The following FOLH1 variants were observed in gnomAD, a reference collection of about 807,000 sequenced individuals.
The protein encoded by FOLH1 is folate hydrolase 1.
Under a neutral mutation model 93.9 loss-of-function variants are expected in FOLH1, and 54 were observed. The ratio of observed to expected loss-of-function variants is 0.57; its 90% confidence interval spans 0.46 to 0.72. The LOEUF (loss-of-function observed/expected upper bound fraction) is 0.72. FOLH1 is among the 30% of genes least tolerant of loss of function. FOLH1 has a pLI of 0.00. For synonymous variants in FOLH1, 249 were observed against 303.6 expected (o/e 0.82, Z 1.87); for missense variants, 571 against 892.5 (o/e 0.64, Z 4.59).
At chr11:49,151,918 G>T (rs1255801030) in intron 17 of FOLH1, among the ~76,000 whole-genome samples, 1 of 152,012 alleles carries the variant, frequency 6.6e-6, no homozygotes, top group Non-Finnish European at 1.5e-5. Context: ...AAATTATAAA[G>T]AATTGAAAAG....
chr11:49,193,462 A>C (rs1004977318), intron 3 of FOLH1, among the ~76,000 whole-genome samples: 13 of 152,256 alleles, frequency 8.5e-5, no homozygotes, highest in African/African-American at 3.1e-4. Context: ...AATAAAAAGT[A>C]CCTTTGTTTG....
chr11:49,157,864 T>G, intron 14 of FOLH1, 88 bp downstream of exon 14: 1 of 1,299,318 alleles, frequency 7.7e-7, no homozygotes, highest in Non-Finnish European at 1.0e-6. Flanking sequence ...GAAACTTAAT[T>G]TTTCACTTAA....
At chr11:49,151,087 T>C (rs932472923) in intron 17 of FOLH1, among the ~76,000 whole-genome samples, 1 of 152,074 alleles carries the variant, frequency 6.6e-6, no homozygotes, top group African/African-American at 2.4e-5. Context: ...CACTAGAAAG[T>C]TTTAGAGTGA....
In FOLH1 at chr11:49,183,225, C is replaced by T; in HGVS notation, c.844G>A (p.Gly282Arg). 1 of 1,612,606 alleles carries T rather than the reference C, an allele frequency of 6.2e-7. No homozygotes were observed. Among genetic ancestry groups the T allele is most frequent in the Non-Finnish European group, 8.5e-7 (1 of 1,179,262 alleles). The change falls in exon 7 of 19, where the codon GGA becomes AGA. Residue 282 changes from glycine (G) to arginine (R), a missense_variant. Physicochemically the swap from Gly to Arg is moderately radical, Grantham distance 125. Transcript: ENST00000256999. Reference protein sequence around the residue: ...YPANEYAYRRGIAEAVGLPSI... With the variant: ...YPANEYAYRRRIAEAVGLPSI... ...GGAAGACCAACAGCCTCTGCAATTC[C>T]ACGCCTATAAGCATATTCTGAAAAA...
chr11:49,174,144 T>C (rs1420174783), intron 9 of FOLH1, among the ~76,000 whole-genome samples: 1 of 152,156 alleles, frequency 6.6e-6, no homozygotes, highest in African/African-American at 2.4e-5. Flanking sequence ...TGGCACAAAA[T>C]AGGTACTCGG....
At chr11:49,168,197 G>A (rs1471021582) in intron 12 of FOLH1, among the ~76,000 whole-genome samples, 1 of 151,556 alleles carries the variant, frequency 6.6e-6, no homozygotes, top group East Asian at 1.9e-4. Flanking sequence ...ACAGTGATGA[G>A]TGCCATGAAG....
chr11:49,206,424 C>T (rs966593575), intron 1 of FOLH1: 2 of 701,654 alleles, frequency 2.9e-6, no homozygotes, highest in African/African-American at 1.8e-5. Context: ...TGCTGTTATT[C>T]TAAGAAATGT....
chr11:49,200,216 G>A (rs2135310843), intron 3 of FOLH1, 39 bp downstream of exon 3: 1 of 1,407,564 alleles, frequency 7.1e-7, no homozygotes, highest in Non-Finnish European at 9.5e-7. Context: ...AAGAATAAAT[G>A]GGGGGAATGT....
At chr11:49,195,523 A>G (rs564596148) in intron 3 of FOLH1, among the ~76,000 whole-genome samples, 1 of 152,172 alleles carries the variant, frequency 6.6e-6, no homozygotes, top group South Asian at 2.1e-4. Context: ...AGAACAGCAA[A>G]GTAAACACAA....
At chr11:49,168,173 ATTAC>A (rs1042673209) in intron 12 of FOLH1, among the ~76,000 whole-genome samples, 2 of 151,566 alleles carry the variant, frequency 1.3e-5, no homozygotes, top group African/African-American at 4.9e-5. Context: ...AAAACAAATA[ATTAC>A]TTAATAATGA....
chr11:49,161,560 T>C (rs1857704970), intron 13 of FOLH1, among the ~76,000 whole-genome samples: 1 of 152,222 alleles, frequency 6.6e-6, no homozygotes, highest in Admixed American at 6.5e-5. Context: ...AGGATACCAA[T>C]AGGTCCTGGT....
At chr11:49,197,810 A>G (rs1862779486) in intron 3 of FOLH1, among the ~76,000 whole-genome samples, 3 of 152,188 alleles carry the variant, frequency 2.0e-5, no homozygotes, top group African/African-American at 7.2e-5. Flanking sequence ...TCTGAAATAA[A>G]AGCCATATAA....
chr11:49,147,040 T>C (rs551097249), intron 18 of FOLH1, 95 bp from the exon 19 acceptor site: 2 of 1,341,838 alleles, frequency 1.5e-6, no homozygotes, highest in Admixed American at 2.4e-5. Context: ...CATATTCCTA[T>C]AACAATTTGA....
chr11:49,145,539 T>G lies in FOLH1; in HGVS notation c.*1217A>C, dbSNP rs557418076. Among the ~76,000 whole-genome samples the G allele has an allele frequency of 2.8e-4, 42 of 152,244 alleles. No individual in the cohort carries two copies. In the South Asian group the frequency reaches 8.5e-3, roughly 31 times the overall value. ...TTTCTTCATAAACAGCTTTACACAT[T>G]GGCCCAGAAGACAAGTTTCTGGGGA... On this transcript the variant is annotated 3_prime_UTR_variant, in exon 19 of 19. Transcript: ENST00000256999.
Position 49,192,892 on chromosome 11 carries a change from A to C in FOLH1, c.414T>G (p.Ile138Met), listed in dbSNP as rs780410301. The change falls in exon 4 of 19, where the codon ATT becomes ATG. Residue 138 changes from isoleucine (I) to methionine (M), a missense_variant and splice_region_variant. Coordinates refer to ENST00000256999, the MANE Select transcript of FOLH1 (RefSeq NM_004476.3). ...ISIINEDGNE[I>M]FNTSLFEPPP... ...GTGGTTCAAATAATGATGTGTTGAA[A>C]ATCTAGAGAAACAAAATATTATAAT... The C allele has an allele frequency of 6.4e-7, 1 of 1,574,412 alleles. No homozygotes were observed. The highest frequency in any genetic ancestry group is 8.6e-7 in the Non-Finnish European group (1 of 1,163,372).
At chr11:49,185,060 A>C (rs1024219358) in intron 6 of FOLH1, among the ~76,000 whole-genome samples, 2 of 152,022 alleles carry the variant, frequency 1.3e-5, no homozygotes, top group Non-Finnish European at 2.9e-5. Context: ...TTTAGGAAAC[A>C]CTCTTTGAAA....
At chr11:49,157,593 A>G (rs1857164191) in intron 14 of FOLH1, among the ~76,000 whole-genome samples, 1 of 151,918 alleles carries the variant, frequency 6.6e-6, no homozygotes, top group Non-Finnish European at 1.5e-5. Context: ...TTTTCAGATT[A>G]GGCATGTTCA....
chr11:49,158,133 C>A lies in FOLH1; in HGVS notation c.1441-90G>T, dbSNP rs1196913312. ...ATTAACCAGAAGTGAGTAACTAAGC[C>A]ACAATTCAGCAAAAACAAGGGATGC... On this transcript the variant is annotated intron_variant, in intron 13 of 18. Transcript: ENST00000256999. 11 of 1,218,886 alleles carry A rather than the reference C, an allele frequency of 9.0e-6. No homozygotes were observed. In the East Asian group the frequency reaches 2.6e-4, roughly 29 times the overall value. 75.5% of individuals were successfully genotyped at this position (1,218,886 alleles called of 1,614,324 possible).
chr11:49,194,922 T>TTATA (rs1445363569), intron 3 of FOLH1, among the ~76,000 whole-genome samples: 2 of 151,992 alleles, frequency 1.3e-5, no homozygotes, highest in Non-Finnish European at 2.9e-5. Context: ...ATTATAAATT[T>TTATA]TATATATATA....
Sources: gnomAD v4.1 joint callset for allele counts (sites outside exome capture counted in the v4.1 genomes callset) on GRCh38, gnomAD v4.1.1 for gene constraint, MANE v1.5 for transcripts, NCBI Gene and HGNC (gene_info 2026-07-23, HGNC 2026-07-21) for gene names.